The following NAV3 variants were observed in gnomAD, a reference collection of about 807,000 sequenced individuals.
NAV3 encodes the protein neuron navigator 3, also known as pore membrane and/or filament interacting like protein 1.
NAV3 carries 87 observed loss-of-function variants against 244.7 expected under a neutral mutation model. The ratio of observed to expected loss-of-function variants is 0.36; its 90% CI spans 0.30 to 0.42. NAV3 has a LOEUF of 0.42. Among genes scored for constraint, NAV3 ranks in the 20% least tolerant of loss-of-function variants. The pLI is 1.00. For synonymous variants in NAV3, 1,126 were observed against 1,042.2 expected, an observed-to-expected ratio of 1.08 and a Z score of -1.55; for missense variants, 2,663 against 2,893.3, an observed-to-expected ratio of 0.92 and a Z score of 1.83.
chr12:77,706,276 A>T (rs1164666037), intron 2 of NAV3, among the ~76,000 whole-genome samples: 1 of 151,464 alleles, frequency 6.6e-6, no homozygotes, highest in East Asian at 1.9e-4. Context: ...ATGCTGAAAA[A>T]ATAATGCTAT....
At chr12:78,000,202 A>T (rs377140739) in intron 7 of NAV3, among the ~76,000 whole-genome samples, 1 of 152,140 alleles carries the variant, frequency 6.6e-6, no homozygotes, top group African/African-American at 2.4e-5. Flanking sequence ...GGCAGTGCAA[A>T]ATTAGATAGT....
At chr12:77,586,540 TG>T (rs1317461128) in intron 2 of NAV3, among the ~76,000 whole-genome samples, 25 of 152,312 alleles carry the variant, frequency 1.6e-4, no homozygotes, top group African/African-American at 5.3e-4. Context: ...AAGTGTTATT[TG>T]TTTTTTTCTT....
At chr12:78,109,880 T>C (rs1028660530) in intron 12 of NAV3, among the ~76,000 whole-genome samples, 5 of 151,956 alleles carry the variant, frequency 3.3e-5, no homozygotes, top group Admixed American at 2.0e-4. Context: ...CTCTAAGAAC[T>C]GGAACAAGAC....
chr12:77,826,255 C>A (rs1315598642), upstream of NAV3, among the ~76,000 whole-genome samples: 1 of 152,184 alleles, frequency 6.6e-6, no homozygotes, highest in Non-Finnish European at 1.5e-5. Context: ...AGTCTGTAAT[C>A]CCAGTACGTT....
chr12:77,601,218 G>C lies in NAV3; in HGVS notation c.72+28952G>C, dbSNP rs142919759. ...AGGTGAGATAACTGAAGCTTAGACAGGGGAAGTGACATGCCCAGGGTCATC... is the reference window on the plus strand; with the variant it reads ...AGGTGAGATAACTGAAGCTTAGACACGGGAAGTGACATGCCCAGGGTCATC... On this transcript the variant is annotated intron_variant, in intron 2 of 8. Transcript: ENST00000550042. 8.0e-4 allele frequency among the ~76,000 whole-genome samples: 121 copies of C among 152,016 alleles called. 1 individual carries two copies. The highest frequency in any genetic ancestry group is 2.8e-3 in the African/African-American group (117 of 41,530).
At chr12:77,598,622 A>C (rs554572517) in intron 2 of NAV3, among the ~76,000 whole-genome samples, 1 of 151,972 alleles carries the variant, frequency 6.6e-6, no homozygotes, top group Non-Finnish European at 1.5e-5. Flanking sequence ...TTTAATGTGT[A>C]TAATTTGGAG....
intron 5 of NAV3, among the ~76,000 whole-genome samples, chr12:77,970,567 A>G (rs934970529): frequency 2.0e-5 from 3 of 152,182 alleles, no homozygotes; most frequent in Admixed American, 6.5e-5. Flanking sequence ...AGCATAAAAT[A>G]TAAAGCTTAT....
chr12:77,733,668 C>T (rs1287998863), intron 2 of NAV3, among the ~76,000 whole-genome samples: 1 of 151,694 alleles, frequency 6.6e-6, no homozygotes, highest in Admixed American at 6.6e-5. Context: ...AAACAAAGAC[C>T]ACAGAGAAGA....
At chr12:77,798,852 G>T (rs774771919) in intron 2 of NAV3, among the ~76,000 whole-genome samples, 4 of 152,142 alleles carry the variant, frequency 2.6e-5, no homozygotes, top group Non-Finnish European at 5.9e-5. Context: ...TCACCCAAAT[G>T]AGTAATTTAG....
At chr12:77,804,652 G>A (rs769552840) in intron 2 of NAV3, among the ~76,000 whole-genome samples, 7 of 151,792 alleles carry the variant, frequency 4.6e-5, no homozygotes, top group Admixed American at 2.6e-4. Context: ...TTGGATATAC[G>A]GGCACTTTTT....
At chr12:77,598,988 T>G (rs530322100) in intron 2 of NAV3, among the ~76,000 whole-genome samples, 3 of 152,084 alleles carry the variant, frequency 2.0e-5, no homozygotes, top group Admixed American at 2.0e-4. Context: ...ATACATTGAT[T>G]AGCAGCTCTC....
chr12:78,056,604 C>G (rs937935982), intron 11 of NAV3, among the ~76,000 whole-genome samples: 8 of 152,012 alleles, frequency 5.3e-5, no homozygotes, highest in Admixed American at 5.2e-4. Context: ...TGGTGCACAC[C>G]AGTAATCTCA....
rs1201115387 is a variant in NAV3 at position 78,007,133 on chromosome 12, C to T, written c.1595C>T (p.Ser532Phe). The T allele has an allele frequency of 4.3e-6, 7 of 1,614,092 alleles. No homozygotes were observed. Among genetic ancestry groups the T allele is most frequent in the Non-Finnish European group, 5.9e-6 (7 of 1,180,026 alleles). Reference sequence around the variant, plus strand: ...TCCAGTGGTATTCCAAAACCAGGCTCTAAAGTTCCAACAGTAAAGCAAACC... The same window carrying T: ...TCCAGTGGTATTCCAAAACCAGGCTTTAAAGTTCCAACAGTAAAGCAAACC... Reference protein sequence around the residue: ...PSSSGIPKPGSKVPTVKQTIS... With the variant: ...PSSSGIPKPGFKVPTVKQTIS... Residue 532 changes from serine to phenylalanine, a missense_variant, in exon 8 of 40, where the codon TCT becomes TTT. This residue lies in a region of NAV3 where 1,521 missense variants were observed against 1,497.0 expected (regional missense o/e 1.02). Transcript: ENST00000397909.
intron 2 of NAV3, among the ~76,000 whole-genome samples, chr12:77,581,391 A>G (rs1445879690): frequency 6.6e-6 from 1 of 152,170 alleles, no homozygotes; most frequent in African/African-American, 2.4e-5. Context: ...TTCATCTTTC[A>G]TGGGATGAAC....
intron 22 of NAV3, among the ~76,000 whole-genome samples, chr12:78,152,631 A>G (rs1957119833): frequency 6.6e-6 from 1 of 151,944 alleles, no homozygotes; most frequent in Non-Finnish European, 1.5e-5. Context: ...GCTGTGTTTA[A>G]ATTTCATTCA....
intron 2 of NAV3, among the ~76,000 whole-genome samples, chr12:77,749,079 T>C (rs1868705368): frequency 6.6e-6 from 1 of 152,172 alleles, no homozygotes. Flanking sequence ...ATCCACGTTG[T>C]TGGAAATGAG....
chr12:77,869,074 T>C (rs1269024370), intron 1 of NAV3, among the ~76,000 whole-genome samples: 1 of 150,846 alleles, frequency 6.6e-6, no homozygotes, highest in African/African-American at 2.4e-5. Context: ...AACAAAACTT[T>C]AGAATGCTCT....
upstream of NAV3, among the ~76,000 whole-genome samples, chr12:77,829,176 G>T (rs1387840563): frequency 1.3e-5 from 2 of 152,218 alleles, no homozygotes; most frequent in African/African-American, 2.4e-5. Flanking sequence ...TTAAATATTT[G>T]CAGTTGCCCT....
At chr12:77,628,710 C>A (rs113673071) in intron 2 of NAV3, among the ~76,000 whole-genome samples, 1 of 151,392 alleles carries the variant, frequency 6.6e-6, no homozygotes, top group Non-Finnish European at 1.5e-5. Context: ...ATGGTGAAAC[C>A]CTATCTCTAC....
Sources: allele counts gnomAD v4.1 joint callset (sites outside exome capture counted in the v4.1 genomes callset), GRCh38; gene constraint gnomAD v4.1.1; regional missense constraint gnomAD v4.1.1; transcripts MANE v1.5; gene names NCBI Gene and HGNC (gene_info 2026-07-23, HGNC 2026-07-21).